The following PIAS1 variants were observed in gnomAD, a reference collection of about 807,000 sequenced individuals.
PIAS1 encodes protein inhibitor of activated STAT 1.
PIAS1 carries 6 observed loss-of-function variants against 71.3 expected under a neutral mutation model. That is an observed-to-expected ratio of 0.08 (90% CI 0.05 to 0.17). The LOEUF is 0.17. PIAS1 is among the 10% of genes least tolerant of loss of function. PIAS1 has a pLI of 1.00. For synonymous variants in PIAS1, 303 were observed against 292.9 expected, an observed-to-expected ratio of 1.03 and a Z score of -0.35; for missense variants, 555 against 793.6, an observed-to-expected ratio of 0.70 and a Z score of 3.61.
At chr15:68,127,170 C>T (rs894762723) in intron 2 of PIAS1, among the ~76,000 whole-genome samples, 11 of 152,088 alleles carry the variant, frequency 7.2e-5, no homozygotes, top group African/African-American at 2.7e-4. Context: ...GTGATCTGCC[C>T]GCCTTGACCT....
In PIAS1 at chr15:68,192,804, A is replaced by G. The variant is rs1449475491; in HGVS notation, c.*4969A>G. Reference sequence around the variant, plus strand: ...ACTAGACAAAGCCACAGCCCAGAGAACCCACTTTTGATACATACATGGATG... The same window carrying G: ...ACTAGACAAAGCCACAGCCCAGAGAGCCCACTTTTGATACATACATGGATG... On this transcript the variant is annotated 3_prime_UTR_variant, in exon 14 of 14. Transcript: ENST00000249636. 6.6e-6 allele frequency: 1 copy of G among 152,074 alleles called. No homozygotes were observed. The highest frequency in any genetic ancestry group is 1.9e-4 in the East Asian group (1 of 5,188). 9.4% of individuals were successfully genotyped at this position (152,074 alleles called of 1,614,324 possible).
chr15:68,070,481 A>C (rs1275811299), intron 1 of PIAS1, among the ~76,000 whole-genome samples: 1 of 152,156 alleles, frequency 6.6e-6, no homozygotes, highest in African/African-American at 2.4e-5. Flanking sequence ...AATGATGAGG[A>C]GTTAAGTTGG....
intron 2 of PIAS1, among the ~76,000 whole-genome samples, chr15:68,091,025 A>G (rs1033759704): frequency 3.3e-5 from 5 of 151,426 alleles, no homozygotes; most frequent in South Asian, 4.2e-4. Context: ...TGGCAGCCGC[A>G]TGTATTATTG....
chr15:68,121,125 CT>C (rs1489810006), intron 2 of PIAS1, among the ~76,000 whole-genome samples: 2 of 152,128 alleles, frequency 1.3e-5, no homozygotes, highest in African/African-American at 2.4e-5. Context: ...CCTTGAAGGA[CT>C]TTCTTTACCA....
chr15:68,068,893 C>CTTTTTTT (rs11298983), intron 1 of PIAS1, among the ~76,000 whole-genome samples: 1 of 76,658 alleles, frequency 1.3e-5, no homozygotes, highest in Non-Finnish European at 2.6e-5. Context: ...TGTTTTTGTC[C>CTTTTTTT]TTTTTTTTTT....
At position 68,173,727 on chromosome 15, in the gene PIAS1, T is replaced by C; in HGVS notation, c.1009-5T>C. ...CTAATATTTACTTTTTCTCCCTTTT[T>C]AAAGCTTGGTAAAATGCGGCTGACA... On this transcript the variant is annotated splice_region_variant and splice_polypyrimidine_tract_variant and intron_variant, in intron 8 of 13. Transcript: ENST00000249636. This position sits in a 1 kb window ranked among gnomAD's most constrained non-coding sequence, Gnocchi z 4.3. 6.6e-7 allele frequency: 1 copy of C among 1,516,790 alleles called. No homozygotes were observed. Among genetic ancestry groups the C allele is most frequent in the Non-Finnish European group, 8.9e-7 (1 of 1,122,664 alleles). The allele number at this position is 1,516,790 out of a possible 1,614,324, so 94.0% of individuals were successfully genotyped here.
At chr15:68,070,597 TGA>T (rs911010060) in intron 1 of PIAS1, among the ~76,000 whole-genome samples, 3 of 152,172 alleles carry the variant, frequency 2.0e-5, no homozygotes, top group African/African-American at 7.2e-5. Flanking sequence ...GTGTGGGTAT[TGA>T]GAACTTGAAA....
intron 1 of PIAS1, among the ~76,000 whole-genome samples, chr15:68,059,746 G>GT (rs2091937889): frequency 6.7e-6 from 1 of 148,170 alleles, no homozygotes; most frequent in Non-Finnish European, 1.5e-5. Context: ...CAATACAAAT[G>GT]TTTATTTTAT....
At chr15:68,165,045 G>T (rs1342926930) in intron 8 of PIAS1, among the ~76,000 whole-genome samples, 11 of 152,072 alleles carry the variant, frequency 7.2e-5, no homozygotes, top group Admixed American at 7.2e-4. Context: ...CATCTCTCAG[G>T]CTCAAGTGTA....
chr15:68,135,236 G>A (rs1370804899), intron 2 of PIAS1, among the ~76,000 whole-genome samples: 14 of 34,262 alleles, frequency 4.1e-4, no homozygotes, highest in African/African-American at 8.3e-4. Context: ...CTGGCCGGGC[G>A]GGGGCTGACC....
At chr15:68,094,782 A>G (rs945029383) in intron 2 of PIAS1, among the ~76,000 whole-genome samples, 2 of 152,212 alleles carry the variant, frequency 1.3e-5, no homozygotes, top group Admixed American at 6.5e-5. Flanking sequence ...AATCAAGAGC[A>G]CTAATTTTTC....
chr15:68,157,289 G>C (rs1218492727), intron 7 of PIAS1, among the ~76,000 whole-genome samples: 1 of 152,132 alleles, frequency 6.6e-6, no homozygotes, highest in African/African-American at 2.4e-5. Flanking sequence ...TGTGTTTTCA[G>C]TTCCTCTCTG....
At chr15:68,141,631 A>G (rs2092770780) in intron 2 of PIAS1, among the ~76,000 whole-genome samples, 1 of 152,066 alleles carries the variant, frequency 6.6e-6, no homozygotes, top group Non-Finnish European at 1.5e-5. Context: ...TAAAATTCGT[A>G]TGTTTTTATA....
Position 68,185,834 on chromosome 15 carries a change from C to T in PIAS1, c.1663-1708C>T, listed in dbSNP as rs965227511. 3.9e-5 allele frequency among the ~76,000 whole-genome samples: 6 copies of T among 152,090 alleles called. No homozygotes were observed. Among genetic ancestry groups the T allele is most frequent in the Admixed American group, 2.6e-4 (4 of 15,270 alleles). ...AAAATTAGCTGGGCGTGGTGCTACA[C>T]GCCTGTAATCCCAGCTACTCGGGAG... On this transcript the variant is annotated intron_variant, in intron 13 of 13. Coordinates refer to ENST00000249636, the MANE Select transcript of PIAS1 (RefSeq NM_016166.3). This position sits in a 1 kb window ranked among gnomAD's most constrained non-coding sequence, Gnocchi z 4.4.
chr15:68,105,822 A>G (rs1353366459), intron 2 of PIAS1, among the ~76,000 whole-genome samples: 2 of 152,164 alleles, frequency 1.3e-5, no homozygotes, highest in Non-Finnish European at 2.9e-5. Context: ...AATTTTTTTT[A>G]AATAAATAAC....
rs771400983 is a variant in PIAS1 at position 68,178,421 on chromosome 15, T to C, written c.1481+1767T>C. On this transcript the variant is annotated intron_variant, in intron 11 of 13. Coordinates refer to ENST00000249636, the MANE Select transcript of PIAS1 (RefSeq NM_016166.3). The surrounding 1 kb of genome is among the most constrained non-coding windows in gnomAD (Gnocchi z 4.2). ...AATTTAAGCACAAATCCTACTGTTATGAACATGACCTCTGATAAAAGCCTA... is the reference window on the plus strand; with the variant it reads ...AATTTAAGCACAAATCCTACTGTTACGAACATGACCTCTGATAAAAGCCTA... Among the ~76,000 whole-genome samples the C allele has an allele frequency of 3.9e-5, 6 of 152,234 alleles. No individual in the cohort carries two copies. Among genetic ancestry groups the C allele is most frequent in the East Asian group, 1.9e-4 (1 of 5,206 alleles).
At chr15:68,084,626 C>G (rs2140980281) in intron 1 of PIAS1, among the ~76,000 whole-genome samples, 1 of 152,234 alleles carries the variant, frequency 6.6e-6, no homozygotes, top group South Asian at 2.1e-4. Context: ...ATGCTACCTC[C>G]CACCCTTTCT....
chr15:68,147,461 C>G (rs543036974), intron 6 of PIAS1, among the ~76,000 whole-genome samples: 13 of 152,136 alleles, frequency 8.5e-5, no homozygotes, highest in African/African-American at 3.1e-4. Flanking sequence ...TAAAACTTAA[C>G]TCTGTTTCAT....
rs1018298308 is a variant in PIAS1, at chr15:68,190,618, GTTTGTTTC to G, written c.*2785_*2792del. On this transcript the variant is annotated 3_prime_UTR_variant, in exon 14 of 14. Transcript: ENST00000249636. The surrounding 1 kb of genome is among the most constrained non-coding windows in gnomAD (Gnocchi z 4.7). ...GGCCGTTCATAGTAGGTATGCATAT[GTTTGTTTC>G]TGTACAGTACTGTGTGTGTGTGTGT... 7.0e-6 allele frequency: 1 copy of G among 142,146 alleles called. No homozygotes were observed. Among genetic ancestry groups the G allele is most frequent in the African/African-American group, 2.6e-5 (1 of 37,770 alleles). The allele number at this position is 142,146 out of a possible 1,614,324, so 8.8% of individuals were successfully genotyped here.
Sources: gnomAD v4.1 joint callset for allele counts (sites outside exome capture counted in the v4.1 genomes callset) on GRCh38, gnomAD v4.1.1 for gene constraint, Gnocchi (gnomAD v3.1) non-coding constraint, MANE v1.5 for transcripts, NCBI Gene and HGNC (gene_info 2026-07-23, HGNC 2026-07-21) for gene names.